Variants in MAGI2 observed in about 807,000 individuals in gnomAD.
The protein encoded by MAGI2 is membrane associated guanylate kinase, WW and PDZ domain containing 2, also known as membrane-associated guanylate kinase, WW and PDZ domain-containing protein 2.
A neutral mutation model predicts 133.3 loss-of-function variants in MAGI2; 35 were observed. That is an observed-to-expected ratio of 0.26 (90% CI 0.20 to 0.35). MAGI2 has a LOEUF of 0.35. Ranked by LOEUF, MAGI2 falls within the 10% of genes least tolerant of loss-of-function variation. The pLI is 1.00. For synonymous variants in MAGI2, 729 were observed against 710.6 expected (o/e 1.03, Z -0.41); for missense variants, 1,636 against 1,863.4 (o/e 0.88, Z 2.25).
chr7:78,158,746 C>A (rs1824651929), intron 16 of MAGI2, among the ~76,000 whole-genome samples: 1 of 152,146 alleles, frequency 6.6e-6, no homozygotes, highest in African/African-American at 2.4e-5. Flanking sequence ...GCCTGGGGAC[C>A]AATCTGCCTT....
At chr7:78,927,379 A>G (rs996818410) in intron 2 of MAGI2, among the ~76,000 whole-genome samples, 2 of 152,000 alleles carry the variant, frequency 1.3e-5, no homozygotes, top group Admixed American at 1.3e-4. Flanking sequence ...GGTATTAAGC[A>G]CAGCTAAATT....
intron 1 of MAGI2, among the ~76,000 whole-genome samples, chr7:79,430,677 G>T (rs192364454): frequency 2.1e-3 from 319 of 152,148 alleles, no homozygotes; most frequent in African/African-American, 7.2e-3. Flanking sequence ...AAACACTGCT[G>T]GTATTGTGAC....
rs1206575863 is a variant in MAGI2 at position 78,185,631 on chromosome 7, G to A, written c.2309C>T (p.Ser770Phe). 6.3e-7 allele frequency: 1 copy of A among 1,592,536 alleles called. No individual in the cohort carries two copies. The highest frequency in any genetic ancestry group is 8.6e-7 in the Non-Finnish European group (1 of 1,165,030). ...TGTGAGTACTGAACAATACTTGCCA[G>A]AGGAATCCATTCGAAAACTGGTCCT... ...PPRTSFRMDS[S>F]GPDYKELDVH... is the part of the protein sequence containing the mutation. The change falls in exon 13 of 22, where the codon TCT becomes TTT. Residue 770 changes from serine to phenylalanine, a missense_variant and splice_region_variant. Ser to Phe is a radical substitution (Grantham distance 155, BLOSUM62 -2). Coordinates refer to ENST00000354212, the MANE Select transcript of MAGI2 (RefSeq NM_012301.4).
chr7:78,965,515 TCA>T (rs1803234952), intron 2 of MAGI2, among the ~76,000 whole-genome samples: 1 of 152,004 alleles, frequency 6.6e-6, no homozygotes, highest in Non-Finnish European at 1.5e-5. Flanking sequence ...TATAAATATC[TCA>T]GTCTCTCTGT....
intron 1 of MAGI2, among the ~76,000 whole-genome samples, chr7:79,343,708 T>A (rs1228388231): frequency 2.0e-5 from 3 of 152,206 alleles, no homozygotes; most frequent in East Asian, 3.9e-4. Context: ...AATAGTTTCT[T>A]ATGTAACATT....
intron 3 of MAGI2, among the ~76,000 whole-genome samples, chr7:78,609,336 A>ATT (rs956980484): frequency 1.1e-4 from 16 of 152,100 alleles, no homozygotes; most frequent in African/African-American, 3.9e-4. Context: ...TAAAGACAAT[A>ATT]ATAAGGTCAT....
At chr7:78,452,066 G>C (rs1366805568) in intron 6 of MAGI2, among the ~76,000 whole-genome samples, 1 of 152,112 alleles carries the variant, frequency 6.6e-6, no homozygotes, top group Non-Finnish European at 1.5e-5. Flanking sequence ...TGTTGACTAT[G>C]ATGTTGATGA....
chr7:79,171,537 C>A (rs946929428), intron 1 of MAGI2, among the ~76,000 whole-genome samples: 7 of 150,888 alleles, frequency 4.6e-5, no homozygotes, highest in Non-Finnish European at 1.0e-4. Flanking sequence ...GAAATTATAT[C>A]CCCTCAAAAA....
intron 21 of MAGI2, among the ~76,000 whole-genome samples, chr7:78,046,735 T>C (rs1811476790): frequency 6.6e-6 from 1 of 152,200 alleles, no homozygotes; most frequent in Non-Finnish European, 1.5e-5. Context: ...AATTGAATGA[T>C]GGCTCTAGCT....
At chr7:78,698,684 A>G (rs575830792) in intron 2 of MAGI2, among the ~76,000 whole-genome samples, 166 of 152,322 alleles carry the variant, frequency 1.1e-3, no homozygotes, top group African/African-American at 3.8e-3. Context: ...ACAGTTCAGC[A>G]TGGCTTGGGA....
intron 3 of MAGI2, chr7:78,618,996 C>A (rs1168576967): frequency 1.9e-5 from 2 of 103,232 alleles, no homozygotes; most frequent in African/African-American, 8.4e-5. Context: ...TTGCATACTC[C>A]AAAATCGCTA....
At chr7:79,009,288 C>CA (rs1218308616) in intron 1 of MAGI2, among the ~76,000 whole-genome samples, 3 of 151,596 alleles carry the variant, frequency 2.0e-5, no homozygotes, top group Admixed American at 2.0e-4. Flanking sequence ...CAGAAAACAA[C>CA]AAAAAAGTCT....
rs138843815 is a variant in MAGI2 at position 78,209,700 on chromosome 7, G to T, written c.2048-8507C>A. ...TGTAATTCACGCCCTATTTTCTCTT[G>T]CTTGAGCTGAAACAACAGCAAATTT... On this transcript the variant is annotated intron_variant, in intron 10 of 21. Coordinates refer to ENST00000354212, the MANE Select transcript of MAGI2 (RefSeq NM_012301.4). Among the ~76,000 whole-genome samples the T allele has an allele frequency of 2.2e-3, 334 of 152,000 alleles. 3 individuals are homozygous for T. The highest frequency in any genetic ancestry group is 7.9e-3 in the African/African-American group (328 of 41,430).
chr7:78,129,508 T>G (rs1232422452), intron 18 of MAGI2, among the ~76,000 whole-genome samples: 1 of 152,244 alleles, frequency 6.6e-6, no homozygotes, highest in African/African-American at 2.4e-5. Flanking sequence ...TTCATAGCTA[T>G]TAATTCAATT....
chr7:79,137,913 T>G (rs1372952158), intron 1 of MAGI2, among the ~76,000 whole-genome samples: 1 of 152,134 alleles, frequency 6.6e-6, no homozygotes, highest in Non-Finnish European at 1.5e-5. Flanking sequence ...ACTCTTTAAA[T>G]GGGATGATGA....
At chr7:78,120,036 A>G (rs1563145895) in intron 20 of MAGI2, among the ~76,000 whole-genome samples, 1 of 152,224 alleles carries the variant, frequency 6.6e-6, no homozygotes, top group African/African-American at 2.4e-5. Context: ...CGATATTATA[A>G]AGATGTAAAT....
chr7:78,655,396 C>T (rs1812068868), intron 2 of MAGI2, among the ~76,000 whole-genome samples: 1 of 128,682 alleles, frequency 7.8e-6, no homozygotes, highest in Non-Finnish European at 1.6e-5. Flanking sequence ...TCAGCCTTGG[C>T]TTATACAAAA....
chr7:79,114,615 T>C (rs988891039), intron 1 of MAGI2, among the ~76,000 whole-genome samples: 1 of 152,156 alleles, frequency 6.6e-6, no homozygotes, highest in Non-Finnish European at 1.5e-5. Flanking sequence ...TCTACCAACA[T>C]TCTGTAAGCA....
chr7:78,211,713 A>G (rs1012689240), intron 10 of MAGI2, among the ~76,000 whole-genome samples: 2 of 152,242 alleles, frequency 1.3e-5, no homozygotes, highest in Admixed American at 6.5e-5. Flanking sequence ...TTCTATTTCT[A>G]CAAAGTAGAG....
Sources: allele counts gnomAD v4.1 joint callset (sites outside exome capture counted in the v4.1 genomes callset), GRCh38; gene constraint gnomAD v4.1.1; transcripts MANE v1.5; gene names NCBI Gene and HGNC (gene_info 2026-07-23, HGNC 2026-07-21).